Variants in ANO6 observed in about 807,000 individuals in gnomAD.
ANO6 encodes the protein anoctamin-6.
ANO6 carries 106 observed loss-of-function variants against 117.5 expected under a neutral mutation model. That is an observed-to-expected ratio of 0.90 (90% CI 0.77 to 1.06). ANO6 has a LOEUF of 1.06. Among genes scored for constraint, ANO6 ranks in the 50% least tolerant of loss-of-function variants. The pLI, the probability that ANO6 is intolerant of heterozygous loss-of-function variation, is 0.00. For missense variants in ANO6, 955 were observed against 1,121.1 expected, an observed-to-expected ratio of 0.85 and a Z score of 2.12; for synonymous variants, 367 against 385.1, an observed-to-expected ratio of 0.95 and a Z score of 0.55.
chr12:45,250,051 T>C (rs1357811602), intron 1 of ANO6, among the ~76,000 whole-genome samples: 4 of 152,206 alleles, frequency 2.6e-5, no homozygotes, highest in Admixed American at 2.6e-4. Flanking sequence ...TGTTGCCTTT[T>C]TAATAAGTAT....
chr12:45,411,238 G>C (rs1379338066), intron 16 of ANO6, among the ~76,000 whole-genome samples: 1 of 152,180 alleles, frequency 6.6e-6, no homozygotes, highest in South Asian at 2.1e-4. Context: ...GAAGTTGATA[G>C]GACTTTTAGA....
chr12:45,364,138 T>C (rs992307006), intron 8 of ANO6, among the ~76,000 whole-genome samples: 2 of 152,202 alleles, frequency 1.3e-5, no homozygotes, highest in African/African-American at 4.8e-5. Flanking sequence ...CTGGCCTCCA[T>C]GGTTTTTATG....
chr12:45,405,012 T>C (rs529031073), intron 15 of ANO6, among the ~76,000 whole-genome samples: 27 of 152,342 alleles, frequency 1.8e-4, no homozygotes, highest in African/African-American at 6.5e-4. Context: ...CAATGGAAAC[T>C]GTCAGGGTCT....
chr12:45,398,349 C>T (rs1009305582), intron 12 of ANO6, among the ~76,000 whole-genome samples: 7 of 152,154 alleles, frequency 4.6e-5, no homozygotes, highest in African/African-American at 1.7e-4. Flanking sequence ...TATGATTTTT[C>T]ACCTCTTGAA....
At chr12:45,339,175 G>A (rs1475179301) in intron 3 of ANO6, among the ~76,000 whole-genome samples, 9 of 152,092 alleles carry the variant, frequency 5.9e-5, no homozygotes, top group Admixed American at 5.9e-4. Context: ...AGAAAAAGGT[G>A]TGTCCTAGAA....
chr12:45,355,656 C>T (rs1331383374), intron 7 of ANO6, among the ~76,000 whole-genome samples: 1 of 152,172 alleles, frequency 6.6e-6, no homozygotes, highest in Non-Finnish European at 1.5e-5. Flanking sequence ...GAGCAAAGCT[C>T]CGGTCACGTG....
chr12:45,308,048 A>ATTTTGT (rs1939729108), intron 2 of ANO6, among the ~76,000 whole-genome samples: 1 of 69,296 alleles, frequency 1.4e-5, no homozygotes, highest in Non-Finnish European at 2.6e-5. Flanking sequence ...TGTGTGTGTA[A>ATTTTGT]TTTTTTTTTT....
In ANO6 at chr12:45,348,544, G is replaced by T; in HGVS notation, c.660G>T (p.Lys220Asn). ...RIVYFILSRV[K>N]YQVINNVSKF... ...TTTACTTCATCCTCTCTCGGGTCAA[G>T]TATCAAGTGATAAACAATGTTAGCA... Residue 220 changes from lysine to asparagine, a missense_variant, in exon 6 of 20, where the codon AAG becomes AAT. Transcript: ENST00000320560. 6.2e-7 allele frequency: 1 copy of T among 1,613,950 alleles called. No individual in the cohort carries two copies. Among genetic ancestry groups the T allele is most frequent in the Non-Finnish European group, 8.5e-7 (1 of 1,179,922 alleles).
intron 16 of ANO6, among the ~76,000 whole-genome samples, chr12:45,416,446 G>T (rs899347049): frequency 3.7e-4 from 57 of 152,278 alleles, no homozygotes; most frequent in African/African-American, 1.3e-3. Flanking sequence ...GTTGACTAAA[G>T]ATGTCTAAAT....
chr12:45,218,073 C>G (rs969896480), intron 1 of ANO6, among the ~76,000 whole-genome samples: 1 of 152,108 alleles, frequency 6.6e-6, no homozygotes, highest in Non-Finnish European at 1.5e-5. Context: ...TTTTTAATGA[C>G]ATGTCATTCA....
intron 9 of ANO6, among the ~76,000 whole-genome samples, chr12:45,371,506 GGAGA>G (rs1941834041): frequency 6.6e-6 from 1 of 151,198 alleles, no homozygotes; most frequent in African/African-American, 2.4e-5. Context: ...GCACGCAGCT[GGAGA>G]TCTGAGAACA....
intron 8 of ANO6, among the ~76,000 whole-genome samples, chr12:45,358,476 A>T (rs1162257307): frequency 7.7e-6 from 1 of 130,484 alleles, no homozygotes; most frequent in African/African-American, 2.6e-5. Flanking sequence ...GTTCTAGTTT[A>T]AAAAAAAAAA....
intron 1 of ANO6, among the ~76,000 whole-genome samples, chr12:45,296,167 G>A (rs1939287272): frequency 6.6e-6 from 1 of 152,170 alleles, no homozygotes; most frequent in Non-Finnish European, 1.5e-5. Context: ...AATATTAGAT[G>A]TATGCTGAGA....
At chr12:45,303,599 A>G (rs1939568774) in intron 2 of ANO6, among the ~76,000 whole-genome samples, 1 of 152,224 alleles carries the variant, frequency 6.6e-6, no homozygotes, top group African/African-American at 2.4e-5. Flanking sequence ...GTGTATTGCG[A>G]TGTTGCAGAC....
intron 1 of ANO6, among the ~76,000 whole-genome samples, chr12:45,240,946 T>A (rs1239705894): frequency 6.6e-6 from 1 of 152,246 alleles, no homozygotes; most frequent in Non-Finnish European, 1.5e-5. Context: ...CTTCCCTTTG[T>A]GGGTAACCCG....
chr12:45,382,680 C>G (rs1942198079), intron 10 of ANO6, among the ~76,000 whole-genome samples: 1 of 152,122 alleles, frequency 6.6e-6, no homozygotes, highest in South Asian at 2.1e-4. Context: ...AAGGGAGCCA[C>G]ACAAATTTTT....
chr12:45,428,019 G>T (rs1368476062), intron 19 of ANO6, among the ~76,000 whole-genome samples: 1 of 151,882 alleles, frequency 6.6e-6, no homozygotes, highest in South Asian at 2.1e-4. Context: ...GTGTAAGTTG[G>T]TATACCTGCT....
At chr12:45,391,696 G>A (rs1942454711) in intron 12 of ANO6, among the ~76,000 whole-genome samples, 2 of 152,126 alleles carry the variant, frequency 1.3e-5, no homozygotes, top group African/African-American at 4.8e-5. Flanking sequence ...GCGAAACCCT[G>A]TCTTTACTAA....
chr12:45,406,639 A>G (rs1302708151), intron 15 of ANO6, among the ~76,000 whole-genome samples: 1 of 152,162 alleles, frequency 6.6e-6, no homozygotes, highest in Non-Finnish European at 1.5e-5. Context: ...CCTTCTCAGG[A>G]TAGGATTTGG....
Sources: allele counts gnomAD v4.1 joint callset (sites outside exome capture counted in the v4.1 genomes callset), GRCh38; gene constraint gnomAD v4.1.1; transcripts MANE v1.5; gene names NCBI Gene and HGNC (gene_info 2026-07-23, HGNC 2026-07-21).